The following ASTN2 variants were observed in gnomAD, a reference collection of about 807,000 sequenced individuals.
ASTN2 encodes astrotactin 2.
ASTN2 carries 54 observed loss-of-function variants against 139.8 expected under a neutral mutation model. That is an observed-to-expected ratio of 0.39 (90% CI 0.31 to 0.48). The LOEUF (loss-of-function observed/expected upper bound fraction) is 0.48, where lower values mean the gene tolerates loss of function less well. ASTN2 is among the 20% of genes least tolerant of loss of function. The pLI, the probability that ASTN2 is intolerant of heterozygous loss-of-function variation, is 0.95. For missense variants in ASTN2, 1,565 were observed against 1,725.1 expected (o/e 0.91, Z 1.64); for synonymous variants, 756 against 719.5 (o/e 1.05, Z -0.81).
intron 6 of ASTN2, among the ~76,000 whole-genome samples, chr9:117,024,637 C>T (rs1158843833): frequency 6.6e-6 from 1 of 152,072 alleles, no homozygotes; most frequent in African/African-American, 2.4e-5. Context: ...GCTTTGGGCA[C>T]ACAGAGCAGG....
intron 2 of ASTN2, among the ~76,000 whole-genome samples, chr9:117,224,792 G>A (rs560594631): frequency 3.3e-5 from 5 of 152,076 alleles, no homozygotes; most frequent in South Asian, 2.1e-4. Context: ...CTTCTTTGTC[G>A]AGTCCTTTAA....
At chr9:116,784,895 C>A (rs1220474554) in intron 13 of ASTN2, among the ~76,000 whole-genome samples, 1 of 144,638 alleles carries the variant, frequency 6.9e-6, no homozygotes, top group Non-Finnish European at 1.5e-5. Flanking sequence ...CACCATTGCA[C>A]TCCAGCCTGG....
intron 19 of ASTN2, among the ~76,000 whole-genome samples, chr9:116,556,172 G>A (rs943255249): frequency 5.3e-5 from 8 of 152,224 alleles, no homozygotes; most frequent in Non-Finnish European, 8.8e-5. Context: ...GAAGCACGAG[G>A]AGTGCTCTGA....
At chr9:117,330,181 T>C (rs542486050) in intron 1 of ASTN2, among the ~76,000 whole-genome samples, 1 of 152,246 alleles carries the variant, frequency 6.6e-6, no homozygotes, top group African/African-American at 2.4e-5. Flanking sequence ...TCAACCTGGA[T>C]GCTCCCATTA....
Position 116,805,619 on chromosome 9 carries a change from A to T in ASTN2, c.2396+13T>A. ...TGACTCAGACAAGCAATGTGCAAGT[A>T]TCTACAGCATACCTAAAGGTCATCT... On this transcript the variant is annotated intron_variant, in intron 13 of 22. Coordinates refer to ENST00000313400, the MANE Select transcript of ASTN2 (RefSeq NM_001365068.1). The T allele has an allele frequency of 6.2e-7, 1 of 1,612,532 alleles. No homozygotes were observed. Among genetic ancestry groups the T allele is most frequent in the Non-Finnish European group, 8.5e-7 (1 of 1,179,022 alleles).
intron 19 of ASTN2, among the ~76,000 whole-genome samples, chr9:116,556,334 G>A (rs181278105): frequency 6.6e-6 from 1 of 152,132 alleles, no homozygotes; most frequent in Non-Finnish European, 1.5e-5. Context: ...AAGCTGTAGG[G>A]CTCTTTAAAA....
At chr9:116,693,471 C>T (rs1013774701) in intron 16 of ASTN2, among the ~76,000 whole-genome samples, 2 of 152,156 alleles carry the variant, frequency 1.3e-5, no homozygotes, top group African/African-American at 4.8e-5. Flanking sequence ...AGTCTTAGGG[C>T]AGCCAGAGTA....
At chr9:116,704,126 C>T (rs1827927311) in intron 16 of ASTN2, among the ~76,000 whole-genome samples, 1 of 152,186 alleles carries the variant, frequency 6.6e-6, no homozygotes, top group African/African-American at 2.4e-5. Context: ...TGCATTTTAA[C>T]TAGCTGTGTG....
At chr9:117,105,115 C>T (rs1052494289) in intron 4 of ASTN2, among the ~76,000 whole-genome samples, 1 of 152,212 alleles carries the variant, frequency 6.6e-6, no homozygotes, top group East Asian at 1.9e-4. Flanking sequence ...TGCAATGAGA[C>T]CTTCGCCACA....
At chr9:117,008,828 G>A (rs1444477650) in intron 6 of ASTN2, among the ~76,000 whole-genome samples, 1 of 152,186 alleles carries the variant, frequency 6.6e-6, no homozygotes, top group Non-Finnish European at 1.5e-5. Context: ...CTGAGTGTGA[G>A]GGAAATAGCA....
At chr9:116,678,789 A>G (rs960690807) in intron 16 of ASTN2, among the ~76,000 whole-genome samples, 7 of 152,188 alleles carry the variant, frequency 4.6e-5, no homozygotes, top group African/African-American at 1.7e-4. Flanking sequence ...GTTTTCTTAG[A>G]AAATTGATCT....
intron 1 of ASTN2, among the ~76,000 whole-genome samples, chr9:117,315,125 C>T (rs1168564579): frequency 6.6e-6 from 1 of 151,862 alleles, no homozygotes; most frequent in Non-Finnish European, 1.5e-5. Context: ...AATTTAGCAC[C>T]TCTAGCCTTG....
chr9:116,957,943 T>C lies in ASTN2; in HGVS notation c.1889+17265A>G, dbSNP rs111660202. On this transcript the variant is annotated intron_variant, in intron 10 of 22. Transcript: ENST00000313400. ...ATCCACCTGCCTTGGCCTCCCAAAATACTGGGATTGCAGGTGTGAGCCACC... is the reference window on the plus strand; with the variant it reads ...ATCCACCTGCCTTGGCCTCCCAAAACACTGGGATTGCAGGTGTGAGCCACC... Among the ~76,000 whole-genome samples the C allele has an allele frequency of 8.1e-3, 1,232 of 152,262 alleles. 25 individuals carry two copies. The highest frequency in any genetic ancestry group is 0.028 in the African/African-American group (1,170 of 41,560).
intron 3 of ASTN2, among the ~76,000 whole-genome samples, chr9:117,144,400 C>A (rs1830143371): frequency 6.6e-6 from 1 of 152,190 alleles, no homozygotes; most frequent in Non-Finnish European, 1.5e-5. Context: ...TTCTCTAAGG[C>A]AAGCTTGTCC....
chr9:117,258,806 T>C (rs1387347403), intron 2 of ASTN2, among the ~76,000 whole-genome samples: 1 of 152,126 alleles, frequency 6.6e-6, no homozygotes, highest in Non-Finnish European at 1.5e-5. Context: ...AACGTCTGCC[T>C]TAGCTCCCCT....
At chr9:117,110,805 C>T (rs1001242401) in intron 4 of ASTN2, among the ~76,000 whole-genome samples, 6 of 152,196 alleles carry the variant, frequency 3.9e-5, no homozygotes, top group African/African-American at 1.2e-4. Context: ...CTCAGGGAAC[C>T]TGAAGCAGCA....
intron 3 of ASTN2, among the ~76,000 whole-genome samples, chr9:117,212,924 A>G (rs965571931): frequency 6.6e-6 from 1 of 152,332 alleles, no homozygotes; most frequent in South Asian, 2.1e-4. Context: ...TAGCAATCCC[A>G]TGACTTGGTA....
At chr9:117,152,980 C>T (rs1228168789) in intron 3 of ASTN2, among the ~76,000 whole-genome samples, 3 of 152,082 alleles carry the variant, frequency 2.0e-5, no homozygotes, top group Admixed American at 6.5e-5. Flanking sequence ...GTCCATGGTA[C>T]ATGGAAGTAT....
chr9:117,258,411 T>C (rs1833742601), intron 2 of ASTN2, among the ~76,000 whole-genome samples: 2 of 152,182 alleles, frequency 1.3e-5, no homozygotes, highest in Admixed American at 1.3e-4. Context: ...AGTGGGTTAC[T>C]CATCTGTTCC....
Sources: gnomAD v4.1 joint callset for allele counts (sites outside exome capture counted in the v4.1 genomes callset) on GRCh38, gnomAD v4.1.1 for gene constraint, MANE v1.5 for transcripts, NCBI Gene and HGNC (gene_info 2026-07-23, HGNC 2026-07-21) for gene names.